DOCK1: variants seen among roughly 807,000 people sequenced by gnomAD.
The protein encoded by DOCK1 is dedicator of cytokinesis protein 1.
Under a neutral mutation model 262.7 loss-of-function variants are expected in DOCK1, and 138 were observed. The observed-to-expected ratio is 0.53, with a 90% CI of 0.46 to 0.61. DOCK1 has a LOEUF of 0.61. Among genes scored for constraint, DOCK1 ranks in the 20% least tolerant of loss-of-function variants. The pLI, the probability that DOCK1 is intolerant of heterozygous loss-of-function variation, is 0.00. For synonymous variants in DOCK1, 866 were observed against 867.4 expected (o/e 1.00, Z 0.03); for missense variants, 1,908 against 2,370.7 (o/e 0.80, Z 4.05).
intron 23 of DOCK1, among the ~76,000 whole-genome samples, chr10:127,096,610 T>C (rs2047925940): frequency 6.6e-6 from 1 of 152,114 alleles, no homozygotes; most frequent in Non-Finnish European, 1.5e-5. Flanking sequence ...AAAATAATTA[T>C]ACTGAATAAT....
chr10:127,241,068 A>C (rs1439314307), intron 27 of DOCK1, among the ~76,000 whole-genome samples: 1 of 152,212 alleles, frequency 6.6e-6, no homozygotes, highest in East Asian at 1.9e-4. Flanking sequence ...TCACGCCTGT[A>C]ATCCCAATGC....
At chr10:127,280,326 G>T (rs1379204227) in intron 29 of DOCK1, among the ~76,000 whole-genome samples, 2 of 152,004 alleles carry the variant, frequency 1.3e-5, no homozygotes, top group Admixed American at 1.3e-4. Context: ...GAGCCACCGC[G>T]CCCGGCCTTC....
intron 1 of DOCK1, among the ~76,000 whole-genome samples, chr10:126,967,984 T>C (rs1237416502): frequency 6.6e-6 from 1 of 152,042 alleles, no homozygotes; most frequent in Non-Finnish European, 1.5e-5. Context: ...CGGCTATTTT[T>C]CTTGTAATTT....
chr10:127,294,769 C>T (rs1365351995), intron 29 of DOCK1, among the ~76,000 whole-genome samples: 2 of 151,992 alleles, frequency 1.3e-5, no homozygotes, highest in East Asian at 3.9e-4. Context: ...CTGCCTCAGC[C>T]TCCCAAGTAG....
At chr10:127,245,201 G>T (rs575124405) in intron 27 of DOCK1, among the ~76,000 whole-genome samples, 2 of 152,280 alleles carry the variant, frequency 1.3e-5, no homozygotes, top group Admixed American at 1.3e-4. Flanking sequence ...CAGGGAGGAA[G>T]GGGAGGGGCA....
intron 46 of DOCK1, 126 bp from the exon 47 acceptor site, chr10:127,425,748 G>A: frequency 7.2e-7 from 1 of 1,396,534 alleles, no homozygotes. Flanking sequence ...CTGGTAAATT[G>A]AATCAGCTGG....
chr10:126,995,833 A>G lies in DOCK1; in HGVS notation c.474-915A>G, dbSNP rs9418747. Among the ~76,000 whole-genome samples, 32,842 of 152,200 alleles carry G rather than the reference A, an allele frequency of 0.22. 4,354 individuals carry two copies. The highest frequency in any genetic ancestry group is 0.38 in the South Asian group (1,849 of 4,828). On this transcript the variant is annotated intron_variant, in intron 6 of 51. Transcript: ENST00000623213. This position sits in a 1 kb window ranked among gnomAD's most constrained non-coding sequence, Gnocchi z 5.8. ...ACGTCCATATGTTTGGTGTTCACATACAATAGAACATCTGTATTGAAAATC... is the reference window on the plus strand; with the variant it reads ...ACGTCCATATGTTTGGTGTTCACATGCAATAGAACATCTGTATTGAAAATC...
chr10:127,112,727 G>A (rs960942084), intron 25 of DOCK1, among the ~76,000 whole-genome samples: 4 of 152,142 alleles, frequency 2.6e-5, no homozygotes, highest in Admixed American at 6.6e-5. Flanking sequence ...AAATTAGCCC[G>A]AAGCTTCGTG....
intron 1 of DOCK1, among the ~76,000 whole-genome samples, chr10:126,920,923 A>G (rs2033121048): frequency 6.6e-6 from 1 of 152,206 alleles, no homozygotes; most frequent in Non-Finnish European, 1.5e-5. Context: ...CAGGCCGGGC[A>G]CGGTGGCTCA....
intron 6 of DOCK1, among the ~76,000 whole-genome samples, chr10:126,993,588 A>T (rs2039966281): frequency 2.0e-5 from 3 of 152,186 alleles, no homozygotes; most frequent in Non-Finnish European, 4.4e-5. Flanking sequence ...AGACCTTAAA[A>T]TGCTTTTTAC....
At chr10:127,049,469 C>T (rs2044567549) in intron 21 of DOCK1, among the ~76,000 whole-genome samples, 1 of 152,012 alleles carries the variant, frequency 6.6e-6, no homozygotes, top group African/African-American at 2.4e-5. Context: ...TGCAGTGAGC[C>T]ACGATCACGC....
intron 25 of DOCK1, among the ~76,000 whole-genome samples, chr10:127,111,390 T>G (rs981911264): frequency 6.6e-6 from 1 of 152,196 alleles, no homozygotes; most frequent in Admixed American, 6.5e-5. Context: ...CCCCTCCATG[T>G]AGACCTCTCT....
chr10:127,385,900 C>A (rs77373278), intron 38 of DOCK1, among the ~76,000 whole-genome samples: 1,628 of 152,290 alleles, frequency 0.011, 28 homozygotes, highest in African/African-American at 0.036. Context: ...AGCGGTTAGA[C>A]GAGGGCCCAC....
chr10:126,938,016 C>A (rs1350222820), intron 1 of DOCK1, among the ~76,000 whole-genome samples: 2 of 150,740 alleles, frequency 1.3e-5, no homozygotes, highest in Admixed American at 1.3e-4. Flanking sequence ...TTTGAGTTAA[C>A]TTTTGTGAAT....
intron 38 of DOCK1, among the ~76,000 whole-genome samples, chr10:127,400,603 T>A (rs1334834014): frequency 6.6e-6 from 1 of 152,260 alleles, no homozygotes; most frequent in Non-Finnish European, 1.5e-5. Flanking sequence ...AGATTCCTTA[T>A]CTGCAAAATG....
chr10:127,129,557 T>C (rs1482486855), intron 27 of DOCK1, among the ~76,000 whole-genome samples: 1 of 152,200 alleles, frequency 6.6e-6, no homozygotes, highest in East Asian at 1.9e-4. Context: ...TTGCAGTGAC[T>C]CCACGAGCCA....
intron 27 of DOCK1, among the ~76,000 whole-genome samples, chr10:127,146,909 G>C (rs375016715): frequency 6.6e-6 from 1 of 152,094 alleles, no homozygotes; most frequent in African/African-American, 2.4e-5. Context: ...CGGTTCTGCC[G>C]GCTGTCTTGA....
In DOCK1 at chr10:127,175,252, C is replaced by T. The variant is rs1368633234; in HGVS notation, c.2847+47488C>T. On this transcript the variant is annotated intron_variant, in intron 27 of 51. Transcript: ENST00000623213. This position sits in a 1 kb window ranked among gnomAD's most constrained non-coding sequence, Gnocchi z 6.3. ...TCTCCTTTTTCCAACTCCTGAATGACCCCCAAGAGCACTTTGATGGTTTCT... is the reference window on the plus strand; with the variant it reads ...TCTCCTTTTTCCAACTCCTGAATGATCCCCAAGAGCACTTTGATGGTTTCT... 5 of 1,614,064 alleles carry T rather than the reference C, an allele frequency of 3.1e-6. No homozygotes were observed. The Admixed American group carries it at 5.0e-5, about 16-fold the overall frequency.
intron 14 of DOCK1, among the ~76,000 whole-genome samples, chr10:127,024,292 G>A (rs774541435): frequency 6.6e-6 from 1 of 152,210 alleles, no homozygotes; most frequent in African/African-American, 2.4e-5. Flanking sequence ...TGGTTGGAGT[G>A]AAGCAAACAG....
Sources: allele counts gnomAD v4.1 joint callset (sites outside exome capture counted in the v4.1 genomes callset), GRCh38; gene constraint gnomAD v4.1.1; non-coding constraint Gnocchi (gnomAD v3.1); transcripts MANE v1.5; gene names NCBI Gene and HGNC (gene_info 2026-07-23, HGNC 2026-07-21).